CPM: variants seen among roughly 807,000 people sequenced by gnomAD.
The protein encoded by CPM is carboxypeptidase M.
CPM carries 35 observed loss-of-function variants against 46.4 expected under a neutral mutation model. The observed-to-expected ratio is 0.75, with a 90% CI of 0.58 to 1.00. The LOEUF (loss-of-function observed/expected upper bound fraction) is 1.00, where lower values mean the gene tolerates loss of function less well. CPM is among the 50% of genes least tolerant of loss of function. The pLI is 0.00. For synonymous variants in CPM, 195 were observed against 195.3 expected, an observed-to-expected ratio of 1.00 and a Z score of 0.01; for missense variants, 422 against 530.4, an observed-to-expected ratio of 0.80 and a Z score of 2.01.
At chr12:68,879,013 C>G (rs1886076515) in intron 3 of CPM, among the ~76,000 whole-genome samples, 1 of 152,062 alleles carries the variant, frequency 6.6e-6, no homozygotes, top group South Asian at 2.1e-4. Flanking sequence ...CACTGTGGGA[C>G]CCCATCTCTA....
intron 3 of CPM, among the ~76,000 whole-genome samples, chr12:68,872,616 G>A (rs1020048144): frequency 1.1e-4 from 16 of 152,180 alleles, no homozygotes; most frequent in African/African-American, 3.1e-4. Context: ...TGGAGTGGGA[G>A]AGCAAGAGGT....
rs576548934 is a variant in CPM, at chr12:68,943,091, C to G, written c.-3-10251G>C. On this transcript the variant is annotated intron_variant, in intron 1 of 8. Coordinates refer to the CPM transcript ENST00000546373. ...TGTTATTCTAGGAAGAATATAGCAT[C>G]AAGAGATTATATGTAATAACTAAAA... Among the ~76,000 whole-genome samples, 3 of 152,268 alleles carry G rather than the reference C, an allele frequency of 2.0e-5. No homozygotes were observed. The South Asian group carries it at 6.2e-4, about 32-fold the overall frequency.
intron 2 of CPM, among the ~76,000 whole-genome samples, chr12:68,914,184 C>T (rs1374674479): frequency 2.0e-5 from 3 of 152,220 alleles, no homozygotes; most frequent in African/African-American, 7.2e-5. Context: ...TTCACACATT[C>T]TTTTCAAAGT....
At chr12:68,865,811 C>A (rs2076248169) in intron 7 of CPM, among the ~76,000 whole-genome samples, 1 of 152,294 alleles carries the variant, frequency 6.6e-6, no homozygotes, top group East Asian at 1.9e-4. Flanking sequence ...TTGAACTGTA[C>A]AAGATTCCAT....
At chr12:68,952,224 T>G (rs1051221569) in intron 1 of CPM, among the ~76,000 whole-genome samples, 1 of 152,242 alleles carries the variant, frequency 6.6e-6, no homozygotes, top group Non-Finnish European at 1.5e-5. Context: ...CAAATATGTT[T>G]TGGGTTTTTG....
chr12:68,944,259 A>G (rs1888807752), intron 1 of CPM, among the ~76,000 whole-genome samples: 1 of 152,230 alleles, frequency 6.6e-6, no homozygotes, highest in Non-Finnish European at 1.5e-5. Context: ...ACCATGGTGT[A>G]AAAGAGAAAC....
intron 2 of CPM, among the ~76,000 whole-genome samples, chr12:68,894,034 G>T (rs1886765515): frequency 6.6e-6 from 1 of 152,058 alleles, no homozygotes; most frequent in Admixed American, 6.6e-5. Flanking sequence ...TGTTACCAGG[G>T]ACTACCTCAT....
downstream of CPM, chr12:68,847,534 A>G (rs1330097698): frequency 2.2e-5 from 3 of 139,452 alleles, no homozygotes; most frequent in Admixed American, 7.4e-5. Flanking sequence ...GCTCACTGCA[A>G]GCTCCGCCTC....
intron 1 of CPM, among the ~76,000 whole-genome samples, chr12:68,952,542 T>C (rs921238869): frequency 3.0e-4 from 45 of 152,318 alleles, no homozygotes; most frequent in African/African-American, 9.6e-4. Flanking sequence ...GGGACCCTTC[T>C]AAGCAGAGGG....
intron 4 of CPM, chr12:68,871,580 C>T (rs1020157346): frequency 3.3e-5 from 19 of 574,622 alleles, no homozygotes; most frequent in Non-Finnish European, 5.2e-5. Context: ...AGGTGGGCAC[C>T]GGGGCAAAGT....
At chr12:68,937,718 C>T (rs1888693577), upstream of CPM, among the ~76,000 whole-genome samples, 1 of 152,134 alleles carries the variant, frequency 6.6e-6, no homozygotes, top group African/African-American at 2.4e-5. Flanking sequence ...TCTAAGGTTA[C>T]CAACATGCTG....
intron 2 of CPM, among the ~76,000 whole-genome samples, chr12:68,895,355 C>T (rs1458375297): frequency 3.3e-5 from 5 of 152,120 alleles, no homozygotes; most frequent in Non-Finnish European, 7.3e-5. Context: ...ATAAGACAGG[C>T]AATGATTGGA....
chr12:68,961,393 C>T (rs2136341279), intron 1 of CPM, among the ~76,000 whole-genome samples: 1 of 152,268 alleles, frequency 6.6e-6, no homozygotes, highest in East Asian at 1.9e-4. Flanking sequence ...GGTCCACCTG[C>T]CTTGGGTCTC....
intron 2 of CPM, among the ~76,000 whole-genome samples, chr12:68,886,944 G>C (rs893002764): frequency 6.6e-6 from 1 of 152,208 alleles, no homozygotes; most frequent in Non-Finnish European, 1.5e-5. Context: ...GTGACCCACT[G>C]AGACGGATTA....
intron 2 of CPM, among the ~76,000 whole-genome samples, chr12:68,926,280 G>A (rs896329864): frequency 6.6e-6 from 1 of 152,050 alleles, no homozygotes; most frequent in African/African-American, 2.4e-5. Flanking sequence ...ATTTCAACAT[G>A]TAATCAATAT....
chr12:68,847,210 A>ATATATATATATATATATATATATATG (rs1565756805), downstream of CPM: 29 of 135,110 alleles, frequency 2.1e-4, no homozygotes, highest in African/African-American at 7.5e-4. Context: ...ATATATATAT[A>ATATATATATATATATATATATATATG]TACTTTTTTT....
At chr12:68,877,517 A>C (rs563792191) in intron 3 of CPM, among the ~76,000 whole-genome samples, 1 of 152,220 alleles carries the variant, frequency 6.6e-6, no homozygotes, top group Non-Finnish European at 1.5e-5. Context: ...TTATAGAGGC[A>C]CAGGCTAACA....
chr12:68,944,535 T>C (rs771452387), intron 1 of CPM, among the ~76,000 whole-genome samples: 1 of 152,130 alleles, frequency 6.6e-6, no homozygotes, highest in African/African-American at 2.4e-5. Flanking sequence ...TTCTGAGCAG[T>C]TGGGACTACA....
intron 1 of CPM, among the ~76,000 whole-genome samples, chr12:68,955,089 T>C (rs545111225): frequency 1.3e-3 from 194 of 152,110 alleles, no homozygotes; most frequent in Admixed American, 2.0e-3. Flanking sequence ...GTTTGGCAGG[T>C]GTGGAATCCG....
Sources: gnomAD v4.1 joint callset for allele counts (sites outside exome capture counted in the v4.1 genomes callset) on GRCh38, gnomAD v4.1.1 for gene constraint, MANE v1.5 for transcripts, NCBI Gene and HGNC (gene_info 2026-07-23, HGNC 2026-07-21) for gene names.